Variants in TMEM255A observed in about 807,000 individuals in gnomAD.
The protein encoded by TMEM255A is family with sequence similarity 70, member A.
Under a neutral mutation model 23.5 loss-of-function variants are expected in TMEM255A, and 14 were observed. The observed-to-expected ratio is 0.60, with a 90% CI of 0.39 to 0.93. The LOEUF (loss-of-function observed/expected upper bound fraction) is 0.93, where lower values mean the gene tolerates loss of function less well. TMEM255A is among the 40% of genes least tolerant of loss of function. TMEM255A has a pLI of 0.00. For missense variants in TMEM255A, 233 were observed against 261.7 expected, an observed-to-expected ratio of 0.89 and a Z score of 0.76; for synonymous variants, 104 against 100.3, an observed-to-expected ratio of 1.04 and a Z score of -0.22.
intron 7 of TMEM255A, chrX:120,273,246 CAG>C: frequency 4.2e-6 from 1 of 237,727 alleles, no homozygotes. Flanking sequence ...AAGGAAGAAA[CAG>C]AAGTTAAAAG....
At chrX:120,296,903 TA>T (rs1474321300) in intron 2 of TMEM255A, among the ~76,000 whole-genome samples, 4 of 5,810 alleles carry the variant, frequency 6.9e-4, no homozygotes, top group African/African-American at 2.6e-3. Context: ...ATATATATAA[TA>T]TTATATATAT....
At chrX:120,309,479 G>A (rs1310204425) in intron 1 of TMEM255A, among the ~76,000 whole-genome samples, 4 of 113,135 alleles carry the variant, frequency 3.5e-5, no homozygotes, top group Non-Finnish European at 7.5e-5. Flanking sequence ...CCCGAAGGCA[G>A]ACGGGCCCGG....
chrX:120,294,433 CAAAAA>C (rs782219332), intron 2 of TMEM255A, among the ~76,000 whole-genome samples: 1 of 45,000 alleles, frequency 2.2e-5, no homozygotes, highest in Non-Finnish European at 4.7e-5. Context: ...GACTCCGTCT[CAAAAA>C]AAAAAAAAAA....
intron 6 of TMEM255A, among the ~76,000 whole-genome samples, chrX:120,283,452 A>G (rs1387987684): frequency 9.0e-6 from 1 of 110,546 alleles, no homozygotes; most frequent in African/African-American, 3.3e-5. Context: ...TGACCCCAAA[A>G]TACCGACAGT....
intron 1 of TMEM255A, among the ~76,000 whole-genome samples, chrX:120,307,377 C>T (rs1241854284): frequency 8.9e-6 from 1 of 111,746 alleles, no homozygotes; most frequent in East Asian, 2.8e-4. Context: ...TTGGGGCTTG[C>T]CTTAGATGTT....
At chrX:120,263,600 G>A (rs1235739302) in intron 8 of TMEM255A, among the ~76,000 whole-genome samples, 2 of 111,779 alleles carry the variant, frequency 1.8e-5, no homozygotes. Flanking sequence ...GGAACTGGCT[G>A]GTGATAATTA....
At chrX:120,282,013 C>CT (rs1403572056) in intron 6 of TMEM255A, among the ~76,000 whole-genome samples, 1 of 111,234 alleles carries the variant, frequency 9.0e-6, no homozygotes, top group Non-Finnish European at 1.9e-5. Flanking sequence ...TTTGTTCCCA[C>CT]TTTTTTTTTC....
chrX:120,296,570 A>ATATAATATAATATATTCCTGGCTCT (rs1569339367), intron 2 of TMEM255A, among the ~76,000 whole-genome samples: 1 of 88,895 alleles, frequency 1.1e-5, no homozygotes, highest in African/African-American at 4.4e-5. Flanking sequence ...ACCACAGACC[A>ATATAATATAATATATTCCTGGCTCT]GGTAAAAACA....
At position 120,287,198 on chromosome X, in the gene TMEM255A, G is replaced by T. The variant is rs12845457; in HGVS notation, c.379C>A (p.Arg127=). 10,446 of 1,207,992 alleles carry T rather than the reference G, an allele frequency of 8.6e-3. 565 individuals are homozygous for T. In the African/African-American group the frequency reaches 0.16, roughly 18 times the overall value. ...GATGTCTTGGGAACATAATGGCACC[G>T]GTTAGCGTAGAGTGGTTTCAGATCC... ...HIDLKPLYAN[R]CHYVPKTSQK... Residue 127 remains arginine (R), a synonymous_variant, in exon 5 of 9, where the codon CGG becomes AGG. Coordinates refer to ENST00000371369, the MANE Select transcript of TMEM255A (RefSeq NM_001104544.3).
At chrX:120,262,434 T>C (rs1372971478) in intron 8 of TMEM255A, among the ~76,000 whole-genome samples, 1 of 111,670 alleles carries the variant, frequency 9.0e-6, no homozygotes, top group Non-Finnish European at 1.9e-5. Flanking sequence ...ATCCCATCCA[T>C]TATTTCACTC....
chrX:120,274,262 AG>A (rs2057781389), intron 7 of TMEM255A, among the ~76,000 whole-genome samples: 1 of 111,902 alleles, frequency 8.9e-6, no homozygotes, highest in Admixed American at 9.4e-5. Flanking sequence ...GCCTCAGGGA[AG>A]GGGCAACAAG....
intron 7 of TMEM255A, among the ~76,000 whole-genome samples, chrX:120,274,384 C>T (rs1231246735): frequency 8.9e-6 from 1 of 111,814 alleles, no homozygotes; most frequent in Non-Finnish European, 1.9e-5. Context: ...GAATTGTACA[C>T]TTTGAAGTGA....
the TMEM255A span, chrX:120,253,392 C>G: frequency 8.5e-7 from 1 of 1,171,517 alleles, no homozygotes; most frequent in Non-Finnish European, 1.2e-6. Context: ...CTCTCCCATC[C>G]CCTCCTCTCT....
At chrX:120,275,315 G>A (rs2057788926) in intron 7 of TMEM255A, among the ~76,000 whole-genome samples, 1 of 112,007 alleles carries the variant, frequency 8.9e-6, no homozygotes, top group East Asian at 2.8e-4. Flanking sequence ...AGAGAGTGCA[G>A]ATGGGCAGGA....
intron 8 of TMEM255A, among the ~76,000 whole-genome samples, chrX:120,264,108 G>C (rs1241292440): frequency 9.0e-6 from 1 of 111,709 alleles, no homozygotes; most frequent in Non-Finnish European, 1.9e-5. Flanking sequence ...TTAGAGTAAA[G>C]TAGGGGTACT....
chrX:120,297,710 C>G (rs190838057), intron 2 of TMEM255A, among the ~76,000 whole-genome samples: 1 of 110,746 alleles, frequency 9.0e-6, no homozygotes, highest in East Asian at 2.8e-4. Context: ...GGGACTAGCT[C>G]TCGGGTCCCC....
chrX:120,285,724 G>A lies in TMEM255A; in HGVS notation c.424-509C>T, dbSNP rs782329309. Reference sequence around the variant, plus strand: ...TATGTAGGAAAAATAGGGTTAGGGGGACCAGGGTTACAAGTGAACCTATGG... The same window carrying A: ...TATGTAGGAAAAATAGGGTTAGGGGAACCAGGGTTACAAGTGAACCTATGG... On this transcript the variant is annotated intron_variant, in intron 5 of 8. Coordinates refer to ENST00000371369, the MANE Select transcript of TMEM255A (RefSeq NM_001104544.3). 9.9e-6 allele frequency: 12 copies of A among 1,208,951 alleles called. No individual in the cohort carries two copies. The South Asian group carries it at 2.1e-4, about 21-fold the overall frequency.
intron 7 of TMEM255A, among the ~76,000 whole-genome samples, chrX:120,275,768 G>T: frequency 1.0e-5 from 1 of 97,656 alleles, no homozygotes. Flanking sequence ...AGAATCTTTA[G>T]AGAAGGAGCC....
chrX:120,294,083 G>A, intron 2 of TMEM255A, 32 bp from the exon 3 acceptor site: 1 of 1,060,614 alleles, frequency 9.4e-7, no homozygotes, highest in South Asian at 1.9e-5. Flanking sequence ...ATAGTATGTG[G>A]GATGACAGTC....
Sources: allele counts gnomAD v4.1 joint callset (sites outside exome capture counted in the v4.1 genomes callset), GRCh38; gene constraint gnomAD v4.1.1; transcripts MANE v1.5; gene names NCBI Gene and HGNC (gene_info 2026-07-23, HGNC 2026-07-21).